The following KDM4C variants were observed in gnomAD, a reference collection of about 807,000 sequenced individuals.
The protein encoded by KDM4C is lysine-specific demethylase 4C.
In KDM4C, 81 loss-of-function variants were observed where a neutral mutation model predicts 129.3. The observed-to-expected ratio is 0.63, with a 90% CI of 0.52 to 0.75. The LOEUF is 0.75. KDM4C is among the 30% of genes least tolerant of loss of function. KDM4C has a pLI of 0.00. For synonymous variants in KDM4C, 573 were observed against 456.1 expected (o/e 1.26, Z -3.26); for missense variants, 1,457 against 1,304.0 (o/e 1.12, Z -1.81).
At chr9:6,988,406 C>G (rs1036882536) in intron 11 of KDM4C, among the ~76,000 whole-genome samples, 2 of 151,956 alleles carry the variant, frequency 1.3e-5, no homozygotes, top group African/African-American at 2.4e-5. Context: ...TTTCCCCAAG[C>G]AAAGACTGAC....
chr9:6,893,345 G>T (rs781382306), intron 8 of KDM4C, 113 bp downstream of exon 8: 21 of 746,700 alleles, frequency 2.8e-5, no homozygotes, highest in East Asian at 1.2e-4. Context: ...GGCGCCATGT[G>T]CCTCTCACCA....
intron 8 of KDM4C, among the ~76,000 whole-genome samples, chr9:6,940,075 C>G (rs947382935): frequency 1.6e-4 from 24 of 146,534 alleles, no homozygotes; most frequent in African/African-American, 5.6e-4. Context: ...CCTTCTCTCT[C>G]TCTCTTTCTT....
At chr9:7,134,206 C>G (rs779207075) in intron 19 of KDM4C, among the ~76,000 whole-genome samples, 3 of 152,216 alleles carry the variant, frequency 2.0e-5, no homozygotes, top group Non-Finnish European at 2.9e-5. Context: ...GGTTCTCTCG[C>G]TTTTCTATCT....
intron 18 of KDM4C, among the ~76,000 whole-genome samples, chr9:7,116,821 C>G (rs1459454272): frequency 6.6e-6 from 1 of 152,154 alleles, no homozygotes; most frequent in Non-Finnish European, 1.5e-5. Flanking sequence ...CTCTGTCATT[C>G]TCTCCTCATG....
chr9:7,013,981 G>A lies in KDM4C; in HGVS notation c.2162G>A (p.Cys721Tyr). The change falls in exon 14 of 22, where the codon TGC becomes TAC. Residue 721 changes from cysteine (C) to tyrosine (Y), a missense_variant. Physicochemically the swap from Cys to Tyr is radical, Grantham distance 194 (BLOSUM62 -2). Coordinates refer to ENST00000381309, the MANE Select transcript of KDM4C (RefSeq NM_015061.6). ...AGTCTCCTTATTTCCTGTGCAAAGT[G>A]CTGCGTACGGGTTCATGCAAGTAAA... ...GTSLLISCAK[C>Y]CVRVHASCYG... 6.2e-7 allele frequency: 1 copy of A among 1,613,558 alleles called. No homozygotes were observed. The highest frequency in any genetic ancestry group is 8.5e-7 in the Non-Finnish European group (1 of 1,179,682).
At chr9:7,027,461 C>T (rs1825995030) in intron 15 of KDM4C, among the ~76,000 whole-genome samples, 1 of 152,154 alleles carries the variant, frequency 6.6e-6, no homozygotes, top group South Asian at 2.1e-4. Flanking sequence ...TGTTCTGAGC[C>T]ATGTGGAGCT....
intron 8 of KDM4C, chr9:6,974,984 T>A (rs990677822): frequency 2.6e-5 from 4 of 152,234 alleles, no homozygotes; most frequent in Non-Finnish European, 5.9e-5. Flanking sequence ...TTCTACTGAA[T>A]CTTTTGGAGA....
intron 18 of KDM4C, 190 bp downstream of exon 18, chr9:7,104,060 G>A: frequency 1.7e-6 from 1 of 574,656 alleles, no homozygotes; most frequent in South Asian, 2.2e-5. Context: ...CCTGTCAAGT[G>A]CCTGGTGCAC....
intron 4 of KDM4C, among the ~76,000 whole-genome samples, chr9:6,825,922 C>T (rs1157236260): frequency 2.0e-5 from 3 of 152,132 alleles, no homozygotes; most frequent in Non-Finnish European, 2.9e-5. Flanking sequence ...GTGATCCTTC[C>T]ACCTCAGCCT....
At chr9:7,053,555 C>A (rs529912794) in intron 17 of KDM4C, among the ~76,000 whole-genome samples, 1 of 152,136 alleles carries the variant, frequency 6.6e-6, no homozygotes, top group South Asian at 2.1e-4. Context: ...GTTCATCATA[C>A]AATTAAATGG....
chr9:7,050,962 A>G (rs542945558), intron 17 of KDM4C, among the ~76,000 whole-genome samples: 2 of 152,174 alleles, frequency 1.3e-5, no homozygotes, highest in African/African-American at 4.8e-5. Context: ...TTTCTCATGG[A>G]ACATTTCCTT....
intron 7 of KDM4C, among the ~76,000 whole-genome samples, chr9:6,891,574 A>G (rs965103089): frequency 2.2e-4 from 33 of 152,304 alleles, no homozygotes; most frequent in African/African-American, 7.5e-4. Context: ...AAAATGTTCT[A>G]AAATTAATTG....
intron 4 of KDM4C, among the ~76,000 whole-genome samples, chr9:6,817,208 CTT>C (rs1554701674): frequency 3.2e-5 from 3 of 94,948 alleles, no homozygotes; most frequent in Non-Finnish European, 4.5e-5. Flanking sequence ...CCCCCCCCCA[CTT>C]TTTTTTTTTT....
intron 8 of KDM4C, among the ~76,000 whole-genome samples, chr9:6,919,277 C>CTTTCTTTCTTTCTTTCTTTCTG (rs1416409064): frequency 2.9e-5 from 1 of 34,606 alleles, no homozygotes; most frequent in African/African-American, 1.0e-4. Context: ...CTTTCTGTCT[C>CTTTCTTTCTTTCTTTCTTTCTG]TCTCTCTCTC....
chr9:6,809,732 C>G (rs893702246), intron 3 of KDM4C, among the ~76,000 whole-genome samples: 1 of 152,142 alleles, frequency 6.6e-6, no homozygotes, highest in African/African-American at 2.4e-5. Context: ...GTTGTGGTGG[C>G]TCACACTTGT....
intron 8 of KDM4C, among the ~76,000 whole-genome samples, chr9:6,940,611 A>G (rs527333494): frequency 1.5e-4 from 22 of 148,392 alleles, no homozygotes; most frequent in Non-Finnish European, 2.7e-4. Context: ...CTAAGATGTC[A>G]TAATTTTATT....
chr9:6,861,558 T>C (rs1284941764), intron 5 of KDM4C, among the ~76,000 whole-genome samples: 3 of 152,158 alleles, frequency 2.0e-5, no homozygotes, highest in African/African-American at 7.2e-5. Flanking sequence ...TGATTGTCAG[T>C]GATAATCACA....
intron 4 of KDM4C, among the ~76,000 whole-genome samples, chr9:6,846,565 ATTC>A (rs1396216534): frequency 1.3e-5 from 2 of 152,344 alleles, no homozygotes; most frequent in Non-Finnish European, 1.5e-5. Flanking sequence ...TCTGTTGGTT[ATTC>A]TTAATATTTG....
intron 17 of KDM4C, among the ~76,000 whole-genome samples, chr9:7,083,979 A>T (rs771840332): frequency 5.3e-5 from 8 of 152,164 alleles, no homozygotes; most frequent in Non-Finnish European, 1.0e-4. Context: ...TGCAGGGCAG[A>T]GTTACTCAAA....
Sources: gnomAD v4.1 joint callset for allele counts (sites outside exome capture counted in the v4.1 genomes callset) on GRCh38, gnomAD v4.1.1 for gene constraint, MANE v1.5 for transcripts, NCBI Gene and HGNC (gene_info 2026-07-23, HGNC 2026-07-21) for gene names.